The following COPS7A variants were observed in gnomAD, a reference collection of about 807,000 sequenced individuals.
COPS7A encodes COP9 signalosome subunit 7A.
A neutral mutation model predicts 35.2 loss-of-function variants in COPS7A; 20 were observed. The observed-to-expected ratio is 0.57, with a 90% confidence interval of 0.40 to 0.83. The LOEUF is 0.83. Ranked by LOEUF, COPS7A falls within the 40% of genes least tolerant of loss-of-function variation. COPS7A has a pLI of 0.00. For synonymous variants in COPS7A, 139 were observed against 141.4 expected (o/e 0.98, Z 0.12); for missense variants, 247 against 347.5 (o/e 0.71, Z 2.30).
chr12:6,725,654 A>G lies in COPS7A; in HGVS notation c.162+836A>G, dbSNP rs116713921. 1,446 of 456,086 alleles carry G rather than the reference A, an allele frequency of 3.2e-3. 22 individuals carry two copies. The highest frequency in any genetic ancestry group is 0.025 in the African/African-American group (1,247 of 50,182). The allele number at this position is 456,086 out of a possible 1,614,324, so 28.3% of individuals were successfully genotyped here. ...GAACGTGTCTTTTTCCCAGAGACAC[A>G]TGGCAAACTGCTAGGAACACAGCAG... On this transcript the variant is annotated intron_variant, in intron 2 of 7. Transcript: ENST00000543155.
chr12:6,729,538 C>A lies in COPS7A; in HGVS notation c.530+89C>A. 2 of 1,362,742 alleles carry A rather than the reference C, an allele frequency of 1.5e-6. No individual in the cohort carries two copies. The highest frequency in any genetic ancestry group is 2.6e-5 in the South Asian group (2 of 78,380). 84.4% of individuals were successfully genotyped at this position (1,362,742 alleles called of 1,614,324 possible). A position where few individuals can be genotyped will look rare whatever the true frequency, so the allele number is the denominator to read the frequency against. On this transcript the variant is annotated intron_variant, in intron 5 of 7. Transcript: ENST00000543155. This position sits in a 1 kb window ranked among gnomAD's most constrained non-coding sequence, Gnocchi z 4.2. The stretch of plus-strand genomic sequence containing the variant: ...GAGAGAGGGCAGGAGCTGGGCTGGT[C>A]CGCAGAGGTGGAACCCAAGAGGATG...
chr12:6,729,551 A>G lies in COPS7A; in HGVS notation c.530+102A>G. Reference sequence around the variant, plus strand: ...AGCTGGGCTGGTCCGCAGAGGTGGAACCCAAGAGGATGAAGGGAAATGAGT... The same window carrying G: ...AGCTGGGCTGGTCCGCAGAGGTGGAGCCCAAGAGGATGAAGGGAAATGAGT... On this transcript the variant is annotated intron_variant, in intron 5 of 7. Coordinates refer to ENST00000543155, the MANE Select transcript of COPS7A (RefSeq NM_001164094.2). The surrounding 1 kb of genome is among the most constrained non-coding windows in gnomAD (Gnocchi z 4.2). 1 of 1,209,618 alleles carries G rather than the reference A, an allele frequency of 8.3e-7. No homozygotes were observed. The allele number at this position is 1,209,618 out of a possible 1,614,324, so 74.9% of individuals were successfully genotyped here.
rs1337649776 is a variant in COPS7A, at chr12:6,724,762, G to A, written c.106G>A (p.Glu36Lys). ...ALATLIHQVL[E>K]APGVYVFGEL... ...GGCCACACTCATCCATCAGGTGCTG[G>A]AGGCCCCTGGTGTCTACGTGTTTGG... Residue 36 changes from glutamate to lysine, a missense_variant, in exon 2 of 8, where the codon GAG (glutamate) becomes AAG (lysine). Physicochemically the swap from Glu to Lys is moderately conservative, Grantham distance 56 (BLOSUM62 1). Transcript: ENST00000543155. 1 of 1,614,070 alleles carries A rather than the reference G, an allele frequency of 6.2e-7. No homozygotes were observed. The highest frequency in any genetic ancestry group is 8.5e-7 in the Non-Finnish European group (1 of 1,180,044).
At chr12:6,724,406 T>TG in intron 1 of COPS7A, 1 of 481,716 alleles carries the variant, frequency 2.1e-6, no homozygotes, top group Non-Finnish European at 3.7e-6. Context: ...TGATGGGGCT[T>TG]GGGGTTAGGC....
rs1297630314 is a variant in COPS7A, at chr12:6,730,991, C to T, written c.789-9C>T. On this transcript the variant is annotated splice_polypyrimidine_tract_variant and intron_variant, in intron 7 of 7. Coordinates refer to ENST00000543155, the MANE Select transcript of COPS7A (RefSeq NM_001164094.2). ...CTCTCTCTCTCTTTCTCTCTCTTCT[C>T]CTTGCCAGGCTCCGAGGGAGCGCCA... The T allele has an allele frequency of 5.6e-6, 9 of 1,611,824 alleles. No homozygotes were observed. The highest frequency in any genetic ancestry group is 4.2e-6 in the Non-Finnish European group (5 of 1,178,214).
rs1360381250 is a variant in COPS7A at position 6,731,215 on chromosome 12, G to A, written c.*176G>A. On this transcript the variant is annotated 3_prime_UTR_variant, in exon 8 of 8. Coordinates refer to ENST00000543155, the MANE Select transcript of COPS7A (RefSeq NM_001164094.2). Reference sequence around the variant, plus strand: ...TTCTCTAGGGAGGAGGCAAATGTAGGTCATGTTTTTGTTGGTACTTTCTGT... The same window carrying A: ...TTCTCTAGGGAGGAGGCAAATGTAGATCATGTTTTTGTTGGTACTTTCTGT... 1.3e-6 allele frequency: 2 copies of A among 1,485,914 alleles called. No homozygotes were observed. Among genetic ancestry groups the A allele is most frequent in the East Asian group, 2.5e-5 (1 of 40,270 alleles). The allele number at this position is 1,485,914 out of a possible 1,614,324, so 92.0% of individuals were successfully genotyped here.
chr12:6,724,548 C>G (rs776670040), intron 1 of COPS7A, 66 bp from the exon 2 acceptor site: 2 of 1,336,144 alleles, frequency 1.5e-6, no homozygotes, highest in Non-Finnish European at 2.1e-6. Flanking sequence ...TCCAGTCCCT[C>G]AGCCTTGTGC....
chr12:6,727,313 G>T (rs1941281704), intron 2 of COPS7A, among the ~76,000 whole-genome samples: 1 of 144,782 alleles, frequency 6.9e-6, no homozygotes, highest in Admixed American at 7.2e-5. Flanking sequence ...CTCCAGCCTG[G>T]GTAACAGAGG....
rs565116686 is a variant in COPS7A, at chr12:6,730,654, C to G, written c.637-15C>G. 103 of 1,614,042 alleles carry G rather than the reference C, an allele frequency of 6.4e-5. No homozygotes were observed. In the Middle Eastern group the frequency reaches 8.2e-4, roughly 13 times the overall value. ...GGAACCTTCCTTGCTATCCCCATTCCTTTCATCCTGGTAGGTTGCCAACCT... is the reference window on the plus strand; with the variant it reads ...GGAACCTTCCTTGCTATCCCCATTCGTTTCATCCTGGTAGGTTGCCAACCT... On this transcript the variant is annotated splice_polypyrimidine_tract_variant and intron_variant, in intron 6 of 7. Coordinates refer to ENST00000543155, the MANE Select transcript of COPS7A (RefSeq NM_001164094.2).
At position 6,730,984 on chromosome 12, in the gene COPS7A, C is replaced by G. The variant is rs375043464; in HGVS notation, c.789-16C>G. 5 of 1,610,936 alleles carry G rather than the reference C, an allele frequency of 3.1e-6. No individual in the cohort carries two copies. In the African/African-American group the frequency reaches 6.7e-5, roughly 21 times the overall value. On this transcript the variant is annotated splice_polypyrimidine_tract_variant and intron_variant, in intron 7 of 7. Coordinates refer to ENST00000543155, the MANE Select transcript of COPS7A (RefSeq NM_001164094.2). ...ATTCTCTCTCTCTCTCTCTTTCTCT[C>G]TCTTCTCCTTGCCAGGCTCCGAGGG...
Position 6,727,646 on chromosome 12 carries a change from T to C in COPS7A, c.163-280T>C, listed in dbSNP as rs960617456. ...TGTATGTCTGTTTGACTCTGAAAAC[T>C]GAATGTCTTCAACTCTGAATTTAGG... On this transcript the variant is annotated intron_variant, in intron 2 of 7. Transcript: ENST00000543155. The C allele has an allele frequency of 7.0e-6, 4 of 573,696 alleles. No individual in the cohort carries two copies. In the East Asian group the frequency reaches 1.6e-4, roughly 23 times the overall value. 35.5% of individuals were successfully genotyped at this position (573,696 alleles called of 1,614,324 possible). A position where few individuals can be genotyped will look rare whatever the true frequency, so the allele number is the denominator to read the frequency against.
rs749017369 is a variant in COPS7A, at chr12:6,727,912, C to T, written c.163-14C>T. The T allele has an allele frequency of 6.2e-7, 1 of 1,613,914 alleles. No homozygotes were observed. The highest frequency in any genetic ancestry group is 8.5e-7 in the Non-Finnish European group (1 of 1,179,834). ...GAAGACTTCCCGTCACCTCCTTTTT[C>T]CTCATTCTCGCAGCTGGCTGAGAGT... On this transcript the variant is annotated splice_polypyrimidine_tract_variant and intron_variant, in intron 2 of 7. Transcript: ENST00000543155.
Position 6,724,686 on chromosome 12 carries a change from G to A in COPS7A, c.30G>A (p.Gln10=), listed in dbSNP as rs139143169. 748 of 1,614,150 alleles carry A rather than the reference G, an allele frequency of 4.6e-4. 1 individual carries two copies. Among genetic ancestry groups the A allele is most frequent in the Middle Eastern group, 2.6e-3 (16 of 6,050 alleles). MSAEVKVTG[Q]NQEQFLLLAK... ...GTGCGGAAGTGAAGGTGACAGGGCA[G>A]AACCAGGAGCAATTTCTGCTCCTAG... is the stretch of plus-strand genomic sequence containing the variant. The change falls in exon 2 of 8, where the codon CAG becomes CAA. Residue 10 remains glutamine (Q), a synonymous_variant. Coordinates refer to ENST00000543155, the MANE Select transcript of COPS7A (RefSeq NM_001164094.2).
At chr12:6,730,368 G>C in intron 5 of COPS7A, 34 bp from the exon 6 acceptor site, 2 of 1,602,436 alleles carry the variant, frequency 1.2e-6, no homozygotes, top group Non-Finnish European at 1.7e-6. Flanking sequence ...CGCAGCCCTT[G>C]TCTGCTGACA....
Position 6,729,459 on chromosome 12 carries a change from G to A in COPS7A, c.530+10G>A, listed in dbSNP as rs564655885. On this transcript the variant is annotated intron_variant, in intron 5 of 7. Transcript: ENST00000543155. This position sits in a 1 kb window ranked among gnomAD's most constrained non-coding sequence, Gnocchi z 4.2. ...GAACCCTGCAGGAATGGTGAGAACC[G>A]TATCCTGGCACTGTCCCCTTCTCAC... 1.2e-5 allele frequency: 19 copies of A among 1,611,372 alleles called. No individual in the cohort carries two copies. The highest frequency in any genetic ancestry group is 8.3e-5 in the Admixed American group (5 of 59,962).
At chr12:6,725,968 A>G (rs2137746850) in intron 2 of COPS7A, 1 of 453,594 alleles carries the variant, frequency 2.2e-6, no homozygotes, top group South Asian at 1.6e-5. Flanking sequence ...AGGCAGGTGG[A>G]TCACCTGAGG....
intron 7 of COPS7A, 53 bp from the exon 8 acceptor site, chr12:6,730,947 G>A: frequency 6.3e-7 from 1 of 1,592,442 alleles, no homozygotes. Flanking sequence ...CAGGGGTTAG[G>A]GGATTCCCTG....
Position 6,728,250 on chromosome 12 carries a change from C to T in COPS7A, c.266C>T (p.Thr89Ile), listed in dbSNP as rs1366688614. The T allele has an allele frequency of 1.2e-6, 2 of 1,614,188 alleles. No homozygotes were observed. The highest frequency in any genetic ancestry group is 8.5e-7 in the Non-Finnish European group (1 of 1,180,026). ...GAAGCCCGGAATCTTCCTCCACTAACAGAGGCTCAGAAGAATAAGCTTCGA... is the reference window on the plus strand; with the variant it reads ...GAAGCCCGGAATCTTCCTCCACTAATAGAGGCTCAGAAGAATAAGCTTCGA... ...LAEARNLPPLTEAQKNKLRHL... is the reference protein window; with the variant it reads ...LAEARNLPPLIEAQKNKLRHL... Residue 89 changes from threonine (T) to isoleucine (I), a missense_variant, in exon 4 of 8, where the codon ACA (threonine) becomes ATA (isoleucine). Physicochemically the swap from Thr to Ile is moderately conservative, Grantham distance 89. Transcript: ENST00000543155.
chr12:6,724,844 C>G, intron 2 of COPS7A, 26 bp downstream of exon 2: 1 of 1,610,536 alleles, frequency 6.2e-7, no homozygotes, highest in East Asian at 2.2e-5. Context: ...GAATAGCCCT[C>G]AGAGAAGCGT....
Sources: gnomAD v4.1 joint callset for allele counts (sites outside exome capture counted in the v4.1 genomes callset) on GRCh38, gnomAD v4.1.1 for gene constraint, Gnocchi (gnomAD v3.1) non-coding constraint, MANE v1.5 for transcripts, NCBI Gene and HGNC (gene_info 2026-07-23, HGNC 2026-07-21) for gene names.